The following POTEH variants were observed in gnomAD, a reference collection of about 807,000 sequenced individuals.
POTEH encodes ANKRD26-like family C member 3.
POTEH carries 6 observed loss-of-function variants against 41.7 expected under a neutral mutation model. The observed-to-expected ratio is 0.14, with a 90% CI of 0.08 to 0.28. The LOEUF is 0.28. Among genes scored for constraint, POTEH ranks in the 10% least tolerant of loss-of-function variants. The probability of loss-of-function intolerance (pLI) is 1.00; values close to 1 mark genes in which losing one functional copy is unlikely to be tolerated. For missense variants in POTEH, 115 were observed against 533.5 expected (o/e 0.22, Z 7.73); for synonymous variants, 38 against 179.9 (o/e 0.21, Z 6.31).
At chr22:15,713,983 T>A (rs1410620969) in intron 9 of POTEH, among the ~76,000 whole-genome samples, 2 of 152,242 alleles carry the variant, frequency 1.3e-5, no homozygotes, top group East Asian at 3.9e-4. Flanking sequence ...ACTTGTCAGA[T>A]CCAAAATTGG....
rs1242202186 is a variant in POTEH, at chr22:15,703,686, C to A, written c.1237+930C>A. On this transcript the variant is annotated intron_variant, in intron 6 of 10. Transcript: ENST00000343518. ...TAGTATGCTACCTGATTGTAGACAC[C>A]TAATACACTGTATAGTCCAAACTGT... Among the ~76,000 whole-genome samples, 4 of 149,334 alleles carry A rather than the reference C, an allele frequency of 2.7e-5. No homozygotes were observed. The South Asian group carries it at 6.8e-4, about 25-fold the overall frequency.
At chr22:15,691,995 TATATATATATATA>T (rs1354960228) in intron 1 of POTEH, among the ~76,000 whole-genome samples, 120 of 127,744 alleles carry the variant, frequency 9.4e-4, no homozygotes, top group African/African-American at 3.0e-3. Context: ...CATATATATA[TATATATATATATA>T]AATTTCTTTT....
intron 9 of POTEH, among the ~76,000 whole-genome samples, chr22:15,712,791 G>A (rs1989847774): frequency 7.4e-6 from 1 of 134,514 alleles, no homozygotes; most frequent in African/African-American, 2.8e-5. Context: ...TTTGATGAGT[G>A]TCAACTGTCC....
chr22:15,691,873 A>G (rs1005576790), intron 1 of POTEH, among the ~76,000 whole-genome samples: 9 of 148,942 alleles, frequency 6.0e-5, no homozygotes, highest in African/African-American at 2.2e-4. Context: ...TTTGGAGAAA[A>G]CTAGCTAGAT....
intron 1 of POTEH, among the ~76,000 whole-genome samples, chr22:15,693,273 TTTTAG>T (rs1989371415): frequency 6.8e-6 from 1 of 148,072 alleles, no homozygotes; most frequent in South Asian, 2.2e-4. Context: ...ACATCTGAAC[TTTTAG>T]TTTAGGTTCA....
intron 1 of POTEH, among the ~76,000 whole-genome samples, chr22:15,693,559 A>G: frequency 6.8e-6 from 1 of 146,896 alleles, no homozygotes; most frequent in Non-Finnish European, 1.5e-5. Context: ...ATTTATGAAA[A>G]TTAAAATAGC....
At chr22:15,692,619 G>C (rs1989349339) in intron 1 of POTEH, among the ~76,000 whole-genome samples, 1 of 95,286 alleles carries the variant, frequency 1.0e-5, no homozygotes, top group African/African-American at 4.2e-5. Flanking sequence ...GCTGCGCATG[G>C]TAGCATGCAC....
In POTEH at chr22:15,717,291, C is replaced by G. The variant is rs1269251764; in HGVS notation, c.1521-2369C>G. On this transcript the variant is annotated intron_variant, in intron 9 of 10. Coordinates refer to ENST00000343518, the MANE Select transcript of POTEH (RefSeq NM_001136213.1). ...GGGTGTCTTTGTGAGAGTACGATTT[C>G]TTTTGTTTTGTGTAGCTATCCAGAA... Among the ~76,000 whole-genome samples the G allele has an allele frequency of 4.3e-5, 4 of 92,440 alleles. 1 individual carries two copies. Among genetic ancestry groups the G allele is most frequent in the African/African-American group, 1.3e-4 (4 of 29,736 alleles). The allele number at this position is 92,440 out of a possible 152,430, so 60.6% of individuals were successfully genotyped here.
At chr22:15,706,516 G>T (rs1279180365) in intron 6 of POTEH, among the ~76,000 whole-genome samples, 1 of 142,662 alleles carries the variant, frequency 7.0e-6, no homozygotes, top group Non-Finnish European at 1.5e-5. Context: ...GTGTTCATGA[G>T]AATTATTGAG....
At chr22:15,713,583 T>A (rs1307281327) in intron 9 of POTEH, among the ~76,000 whole-genome samples, 1 of 152,286 alleles carries the variant, frequency 6.6e-6, no homozygotes, top group Non-Finnish European at 1.5e-5. Flanking sequence ...CATTGCAACC[T>A]CTGCCTCCTG....
chr22:15,711,360 A>G (rs1187785473), intron 9 of POTEH, among the ~76,000 whole-genome samples: 1 of 152,058 alleles, frequency 6.6e-6, no homozygotes, highest in Non-Finnish European at 1.5e-5. Flanking sequence ...CATAATAAGC[A>G]AAATACTCGA....
intron 9 of POTEH, among the ~76,000 whole-genome samples, chr22:15,714,205 G>A (rs565685563): frequency 7.3e-5 from 11 of 150,846 alleles, no homozygotes; most frequent in African/African-American, 2.7e-4. Context: ...GCACATGTGA[G>A]CCACCATCAT....
intron 7 of POTEH, among the ~76,000 whole-genome samples, chr22:15,709,023 C>T (rs1264869576): frequency 1.3e-5 from 2 of 151,256 alleles, no homozygotes; most frequent in Non-Finnish European, 2.9e-5. Flanking sequence ...GTCAAAAAAG[C>T]AACCCAACTG....
intron 9 of POTEH, among the ~76,000 whole-genome samples, chr22:15,717,029 T>C (rs1476202492): frequency 1.6e-5 from 1 of 62,472 alleles, no homozygotes; most frequent in Non-Finnish European, 3.4e-5. Flanking sequence ...CTTTCCTTTA[T>C]GAATTATCCA....
chr22:15,691,061 C>G (rs1343175722), intron 1 of POTEH, among the ~76,000 whole-genome samples: 10 of 143,704 alleles, frequency 7.0e-5, no homozygotes, highest in African/African-American at 2.5e-4. Flanking sequence ...AAGAATGAAG[C>G]CCCATAACAC....
chr22:15,690,862 C>T (rs1989289014), intron 1 of POTEH, among the ~76,000 whole-genome samples, 153 bp downstream of exon 1: 1 of 129,858 alleles, frequency 7.7e-6, no homozygotes, highest in Non-Finnish European at 1.8e-5. Flanking sequence ...GGCACAGGCC[C>T]CTTTATGAGC....
At chr22:15,692,485 G>C (rs1989344961) in intron 1 of POTEH, among the ~76,000 whole-genome samples, 2 of 144,808 alleles carry the variant, frequency 1.4e-5, no homozygotes, top group African/African-American at 2.5e-5. Context: ...GCCAGGTGCA[G>C]TGGCTTACGC....
chr22:15,690,357 C>T lies in POTEH; in HGVS notation c.280C>T (p.Leu94Phe), dbSNP rs775289023. 2.2e-6 allele frequency: 3 copies of T among 1,388,442 alleles called. No individual in the cohort carries two copies. The highest frequency in any genetic ancestry group is 4.0e-5 in the Admixed American group (2 of 50,038). 86.0% of individuals were successfully genotyped at this position (1,388,442 alleles called of 1,614,324 possible). A position where few individuals can be genotyped will look rare whatever the true frequency, so the allele number is the denominator to read the frequency against. The change falls in exon 1 of 11, where the codon CTC (leucine) becomes TTC (phenylalanine). Residue 94 changes from leucine (L) to phenylalanine (F), a missense_variant. Coordinates refer to ENST00000343518, the MANE Select transcript of POTEH (RefSeq NM_001136213.1). ...GDHDDSAMKTLRSKMGKWCCH... is the reference protein window; with the variant it reads ...GDHDDSAMKTFRSKMGKWCCH... ...CCACGACGATTCTGCTATGAAGACA[C>T]TCAGGAGCAAGATGGGCAAGTGGTG...
chr22:15,690,354 A>C lies in POTEH; in HGVS notation c.277A>C (p.Thr93Pro). 1 of 1,376,244 alleles carries C rather than the reference A, an allele frequency of 7.3e-7. No homozygotes were observed. Among genetic ancestry groups the C allele is most frequent in the Non-Finnish European group, 1.0e-6 (1 of 996,886 alleles). 85.3% of individuals were successfully genotyped at this position (1,376,244 alleles called of 1,614,324 possible). ...AGACCACGACGATTCTGCTATGAAGACACTCAGGAGCAAGATGGGCAAGTG... is the reference window on the plus strand; with the variant it reads ...AGACCACGACGATTCTGCTATGAAGCCACTCAGGAGCAAGATGGGCAAGTG... ...SGDHDDSAMKTLRSKMGKWCC... is the reference protein window; with the variant it reads ...SGDHDDSAMKPLRSKMGKWCC... The change falls in exon 1 of 11, where the codon ACA (threonine) becomes CCA (proline). Residue 93 changes from threonine (T) to proline (P), a missense_variant. Transcript: ENST00000343518.
Sources: gnomAD v4.1 joint callset for allele counts (sites outside exome capture counted in the v4.1 genomes callset) on GRCh38, gnomAD v4.1.1 for gene constraint, MANE v1.5 for transcripts, NCBI Gene and HGNC (gene_info 2026-07-23, HGNC 2026-07-21) for gene names.